The following GMDS variants were observed in gnomAD, a reference collection of about 807,000 sequenced individuals.
The protein encoded by GMDS is GDP-mannose 4,6-dehydratase.
Under a neutral mutation model 49.9 loss-of-function variants are expected in GMDS, and 20 were observed. The observed-to-expected ratio is 0.40, with a 90% CI of 0.28 to 0.58. The LOEUF (loss-of-function observed/expected upper bound fraction) is 0.58. Ranked by LOEUF, GMDS falls within the 20% of genes least tolerant of loss-of-function variation. The pLI, the probability that GMDS is intolerant of heterozygous loss-of-function variation, is 0.42. For missense variants in GMDS, 362 were observed against 481.4 expected (o/e 0.75, Z 2.32); for synonymous variants, 177 against 178.6 (o/e 0.99, Z 0.07).
chr6:2,165,269 C>T (rs1247242940), intron 1 of GMDS, among the ~76,000 whole-genome samples: 1 of 152,176 alleles, frequency 6.6e-6, no homozygotes, highest in African/African-American at 2.4e-5. Flanking sequence ...GAGAAACTGG[C>T]AATCCCAAGA....
At chr6:1,803,155 C>T (rs1036013749) in intron 7 of GMDS, among the ~76,000 whole-genome samples, 11 of 152,130 alleles carry the variant, frequency 7.2e-5, no homozygotes, top group African/African-American at 2.2e-4. Flanking sequence ...CAAATTTCAT[C>T]GGCACTGTAT....
chr6:2,168,846 C>T (rs1055610890), intron 1 of GMDS, among the ~76,000 whole-genome samples: 7 of 152,154 alleles, frequency 4.6e-5, no homozygotes, highest in Admixed American at 1.3e-4. Context: ...AAAAAGTCTG[C>T]TCTCAATTTT....
At chr6:2,083,129 G>A (rs1351401108) in intron 4 of GMDS, among the ~76,000 whole-genome samples, 1 of 152,194 alleles carries the variant, frequency 6.6e-6, no homozygotes, top group East Asian at 1.9e-4. Flanking sequence ...TAGGTTCTCA[G>A]GGTAAAATCA....
chr6:2,179,020 A>C (rs1213143038), intron 1 of GMDS, among the ~76,000 whole-genome samples: 1 of 152,242 alleles, frequency 6.6e-6, no homozygotes, highest in Non-Finnish European at 1.5e-5. Flanking sequence ...CATGTGGCAT[A>C]AACAGCGAAT....
Position 1,742,513 on chromosome 6 carries a change from C to T in GMDS, c.845G>A (p.Arg282Gln), listed in dbSNP as rs753325661. 10 of 1,611,548 alleles carry T rather than the reference C, an allele frequency of 6.2e-6. No individual in the cohort carries two copies. Among genetic ancestry groups the T allele is most frequent in the African/African-American group, 2.7e-5 (2 of 75,006 alleles). Residue 282 changes from arginine to glutamine, a missense_variant, in exon 8 of 11, where the codon CGG becomes CAG. Physicochemically the swap from Arg to Gln is conservative, Grantham distance 43. Coordinates refer to ENST00000380815, the MANE Select transcript of GMDS (RefSeq NM_001500.4). Reference protein sequence around the residue: ...VIATGEVHSVREFVEKSFLHI... With the variant: ...VIATGEVHSVQEFVEKSFLHI... ...CAAGAATGATTTCTCGACAAATTCC[C>T]GGACACTATGGACCTCCCCAGTAGC...
chr6:2,126,504 A>G (rs1342327282), intron 1 of GMDS, among the ~76,000 whole-genome samples: 1 of 152,260 alleles, frequency 6.6e-6, no homozygotes, highest in African/African-American at 2.4e-5. Context: ...ATGGGTCCTG[A>G]AAATGAAAGG....
intron 9 of GMDS, among the ~76,000 whole-genome samples, chr6:1,696,391 A>AT (rs1448867078): frequency 6.6e-6 from 1 of 152,014 alleles, no homozygotes; most frequent in Admixed American, 6.5e-5. Flanking sequence ...CTGAAGAACC[A>AT]TTTTCCTCCT....
intron 7 of GMDS, among the ~76,000 whole-genome samples, chr6:1,852,252 G>C (rs1179488281): frequency 6.6e-6 from 1 of 152,166 alleles, no homozygotes; most frequent in East Asian, 1.9e-4. Flanking sequence ...TCAAGAGCTC[G>C]CAAAATGCCC....
At chr6:2,112,095 T>C (rs1213049002) in intron 4 of GMDS, among the ~76,000 whole-genome samples, 1 of 152,222 alleles carries the variant, frequency 6.6e-6, no homozygotes, top group East Asian at 1.9e-4. Context: ...AACAGTGGTA[T>C]GGAACAGGGA....
In GMDS at chr6:1,778,164, G is replaced by C. The variant is rs921991418; in HGVS notation, c.772-35578C>G. Among the ~76,000 whole-genome samples, 2 of 152,166 alleles carry C rather than the reference G, an allele frequency of 1.3e-5. No individual in the cohort carries two copies. The highest frequency in any genetic ancestry group is 4.8e-5 in the African/African-American group (2 of 41,426). ...CTGAATAAAGGATCGAGTTAGACTG[G>C]CCTTCTCAACACCTCACGAAAAGCG... is the stretch of plus-strand genomic sequence containing the variant. On this transcript the variant is annotated intron_variant, in intron 7 of 10. Coordinates refer to ENST00000380815, the MANE Select transcript of GMDS (RefSeq NM_001500.4). The surrounding 1 kb of genome is among the most constrained non-coding windows in gnomAD (Gnocchi z 4.6).
intron 4 of GMDS, among the ~76,000 whole-genome samples, chr6:1,996,771 C>T (rs1334060863): frequency 2.0e-5 from 3 of 151,996 alleles, no homozygotes; most frequent in Non-Finnish European, 4.4e-5. Flanking sequence ...CATGACCACA[C>T]CTAGGTATAA....
At chr6:1,861,982 C>A (rs746174852) in intron 7 of GMDS, among the ~76,000 whole-genome samples, 1 of 152,278 alleles carries the variant, frequency 6.6e-6, no homozygotes, top group East Asian at 1.9e-4. Context: ...AAGAGAACAA[C>A]GGAATTACCC....
intron 4 of GMDS, among the ~76,000 whole-genome samples, chr6:2,003,165 T>C (rs574899033): frequency 1.4e-3 from 214 of 152,208 alleles, no homozygotes; most frequent in African/African-American, 4.8e-3. Flanking sequence ...ATTTACTCCT[T>C]AGTCATAATT....
intron 7 of GMDS, among the ~76,000 whole-genome samples, chr6:1,796,379 CTT>C (rs1769735373): frequency 6.6e-6 from 1 of 152,206 alleles, no homozygotes; most frequent in African/African-American, 2.4e-5. Flanking sequence ...ATAGACTACT[CTT>C]AGTGTATTTT....
intron 8 of GMDS, among the ~76,000 whole-genome samples, chr6:1,742,242 G>A (rs1767303062): frequency 1.3e-5 from 2 of 152,234 alleles, no homozygotes. Context: ...AAAGAAAGAT[G>A]AAAGAAATGT....
In GMDS at chr6:2,126,081, C is replaced by T. The variant is rs1189632078; in HGVS notation, c.103-1350G>A. Among the ~76,000 whole-genome samples the T allele has an allele frequency of 3.3e-5, 5 of 151,986 alleles. No homozygotes were observed. In the East Asian group the frequency reaches 5.8e-4, roughly 18 times the overall value. On this transcript the variant is annotated intron_variant, in intron 1 of 10. Coordinates refer to ENST00000380815, the MANE Select transcript of GMDS (RefSeq NM_001500.4). ...CATTTGACCTAAAATATTTCATGTG[C>T]CACTTTTAGAGGGAAAGTATGAGAG...
intron 1 of GMDS, among the ~76,000 whole-genome samples, chr6:2,143,197 C>A (rs1272621582): frequency 6.6e-6 from 1 of 152,228 alleles, no homozygotes; most frequent in Admixed American, 6.5e-5. Flanking sequence ...CCAGCAGACA[C>A]GCCAATGCCC....
chr6:1,888,406 A>T (rs936812293), intron 7 of GMDS, among the ~76,000 whole-genome samples: 1 of 152,080 alleles, frequency 6.6e-6, no homozygotes, highest in Non-Finnish European at 1.5e-5. Flanking sequence ...CAGAGGAATG[A>T]CCAGACACTT....
chr6:1,858,802 C>G (rs1049619580), intron 7 of GMDS, among the ~76,000 whole-genome samples: 1 of 152,064 alleles, frequency 6.6e-6, no homozygotes, highest in Non-Finnish European at 1.5e-5. Context: ...CTTATGAGAA[C>G]GTAATAAAAA....
Sources: allele counts gnomAD v4.1 joint callset (sites outside exome capture counted in the v4.1 genomes callset), GRCh38; gene constraint gnomAD v4.1.1; non-coding constraint Gnocchi (gnomAD v3.1); transcripts MANE v1.5; gene names NCBI Gene and HGNC (gene_info 2026-07-23, HGNC 2026-07-21).